SMG1: variants seen among roughly 807,000 people sequenced by gnomAD.
SMG1 encodes serine/threonine-protein kinase SMG1.
A neutral mutation model predicts 419.9 loss-of-function variants in SMG1; 22 were observed. The observed-to-expected ratio is 0.05, with a 90% CI of 0.04 to 0.07. The LOEUF is 0.07. Ranked by LOEUF, SMG1 falls within the 10% of genes least tolerant of loss-of-function variation. The pLI, the probability that SMG1 is intolerant of heterozygous loss-of-function variation, is 1.00. For synonymous variants in SMG1, 1,538 were observed against 1,553.5 expected (o/e 0.99, Z 0.23); for missense variants, 3,185 against 4,342.0 (o/e 0.73, Z 7.49).
rs776250925 is a variant in SMG1 at position 18,869,956 on chromosome 16, G to A, written c.2531C>T (p.Ala844Val). The change falls in exon 19 of 63, where the codon GCA (alanine) becomes GTA (valine). Residue 844 changes from alanine to valine, a missense_variant. Around this residue, in one of 27 missense-constraint regions of SMG1, gnomAD observed 297 missense variants for 491.0 expected, o/e 0.60. Transcript: ENST00000446231. The part of the protein sequence containing the change: ...NHTEIQEISL[A>V]LRSHMSKAPS... ...TGCTTTACTCATGTGACTTCTTAAT[G>A]CTAAAGAAATTTCTTGAATTTCTGT... The A allele has an allele frequency of 2.0e-5, 31 of 1,531,472 alleles. No individual in the cohort carries two copies. Among genetic ancestry groups the A allele is most frequent in the African/African-American group, 4.1e-5 (3 of 72,924 alleles). The allele number at this position is 1,531,472 out of a possible 1,614,324, so 94.9% of individuals were successfully genotyped here.
intron 57 of SMG1, among the ~76,000 whole-genome samples, chr16:18,816,756 C>T (rs1271432055): frequency 6.6e-6 from 1 of 152,166 alleles, no homozygotes; most frequent in Non-Finnish European, 1.5e-5. Context: ...GCTTTAAATG[C>T]TTAAAGTTTA....
chr16:18,854,082 CTTTTTTTTT>C lies in SMG1; in HGVS notation c.4484-224_4484-216del, dbSNP rs11448105. 3.6e-5 allele frequency among the ~76,000 whole-genome samples: 3 copies of C among 84,012 alleles called. No individual in the cohort carries two copies. The Admixed American group carries it at 4.9e-4, about 14-fold the overall frequency. The allele number at this position is 84,012 out of a possible 152,430, so 55.1% of individuals were successfully genotyped here. A position where few individuals can be genotyped will look rare whatever the true frequency, so the allele number is the denominator to read the frequency against. Reference sequence around the variant, plus strand: ...CACTATGCCTAGCCAAAATACTAAACTTTTTTTTTTTTTTTTTTTTTTGAGGCAGGGTTT... The same window carrying C: ...CACTATGCCTAGCCAAAATACTAAACTTTTTTTTTTTTTGAGGCAGGGTTT... On this transcript the variant is annotated intron_variant, in intron 30 of 62. Transcript: ENST00000446231.
At chr16:18,810,495 T>C (rs1567305442) in intron 62 of SMG1, among the ~76,000 whole-genome samples, 1 of 152,292 alleles carries the variant, frequency 6.6e-6, no homozygotes, top group African/African-American at 2.4e-5. Context: ...TCACAGTGGA[T>C]CTGAATGACC....
intron 25 of SMG1, among the ~76,000 whole-genome samples, chr16:18,862,755 C>T (rs2035279678): frequency 6.6e-6 from 1 of 152,170 alleles, no homozygotes. Context: ...ACTAGAATAA[C>T]AGCCAAAGTT....
intron 55 of SMG1, 30 bp from the exon 56 acceptor site, chr16:18,819,684 G>T (rs1026140859): frequency 2.0e-6 from 3 of 1,497,192 alleles, no homozygotes; most frequent in Non-Finnish European, 2.7e-6. Context: ...CTTGGTGAAG[G>T]TATATGACAT....
Position 18,837,717 on chromosome 16 carries a change from C to T in SMG1, c.7414-274G>A, listed in dbSNP as rs148991766. On this transcript the variant is annotated intron_variant, in intron 45 of 62. Transcript: ENST00000446231. ...CTACCAGATAGGGAAGGGAAGCTAT[C>T]CAATTAAAGAACATTTACAGTCATC... Among the ~76,000 whole-genome samples, 16 of 152,208 alleles carry T rather than the reference C, an allele frequency of 1.1e-4. No individual in the cohort carries two copies. The East Asian group carries it at 3.1e-3, about 29-fold the overall frequency.
intron 1 of SMG1, among the ~76,000 whole-genome samples, chr16:18,915,725 T>C (rs558956732): frequency 3.5e-4 from 53 of 152,230 alleles, no homozygotes; most frequent in African/African-American, 1.1e-3. Flanking sequence ...GTACCTTGAC[T>C]GAGGTCATGG....
chr16:18,828,149 A>T lies in SMG1; in HGVS notation c.9623T>A (p.Leu3208His). Residue 3208 changes from leucine to histidine, a missense_variant, in exon 55 of 63, where the codon CTT becomes CAT. Physicochemically the swap from Leu to His is moderately conservative, Grantham distance 99. Around this residue, in one of 27 missense-constraint regions of SMG1, gnomAD observed 737 missense variants for 846.6 expected, o/e 0.87. Coordinates refer to ENST00000446231, the MANE Select transcript of SMG1 (RefSeq NM_015092.5). ...AMFQWQHEDL[L>H]INRPQAMSVT... The stretch of plus-strand genomic sequence containing the variant: ...TGACATGGCTTGTGGTCTATTGATA[A>T]GTAGATCTTCATGTTGCCACTGTTG... The T allele has an allele frequency of 6.2e-7, 1 of 1,613,460 alleles. No homozygotes were observed.
chr16:18,916,812 A>C (rs1188252313), intron 1 of SMG1, among the ~76,000 whole-genome samples: 1 of 152,142 alleles, frequency 6.6e-6, no homozygotes, highest in Non-Finnish European at 1.5e-5. Flanking sequence ...TGAAAAGATA[A>C]CAAACAGCTC....
intron 1 of SMG1, among the ~76,000 whole-genome samples, chr16:18,913,875 T>C (rs2037876000): frequency 6.6e-6 from 1 of 152,086 alleles, no homozygotes; most frequent in South Asian, 2.1e-4. Flanking sequence ...GTACCAGAAA[T>C]CCCTCTGAGG....
At chr16:18,882,614 A>T (rs2036447960) in intron 9 of SMG1, among the ~76,000 whole-genome samples, 1 of 152,208 alleles carries the variant, frequency 6.6e-6, no homozygotes, top group Non-Finnish European at 1.5e-5. Flanking sequence ...AAATTCTAGC[A>T]CATATGCTCT....
At chr16:18,833,605 A>G (rs1289547138) in intron 50 of SMG1, among the ~76,000 whole-genome samples, 1 of 152,182 alleles carries the variant, frequency 6.6e-6, no homozygotes. Flanking sequence ...TTTGCATATA[A>G]TAAACTGCAT....
chr16:18,858,545 A>G, intron 28 of SMG1: 1 of 265,854 alleles, frequency 3.8e-6, no homozygotes, highest in Non-Finnish European at 7.0e-6. Context: ...CAGTATACTT[A>G]ATAAAGCACA....
intron 8 of SMG1, chr16:18,884,778 A>C: frequency 4.0e-6 from 1 of 253,082 alleles, no homozygotes. Context: ...ATAAAATGTG[A>C]CAAATAACTT....
intron 1 of SMG1, among the ~76,000 whole-genome samples, chr16:18,918,988 A>G (rs769444905): frequency 6.6e-6 from 1 of 152,148 alleles, no homozygotes; most frequent in Non-Finnish European, 1.5e-5. Context: ...TTCTCCCATA[A>G]TAACTTATAG....
At position 18,870,904 on chromosome 16, in the gene SMG1, A is replaced by G; in HGVS notation, c.2303-16T>C. On this transcript the variant is annotated splice_polypyrimidine_tract_variant and intron_variant, in intron 16 of 62. Coordinates refer to ENST00000446231, the MANE Select transcript of SMG1 (RefSeq NM_015092.5). ...TCAACGAGAGCTATTAAACATTAAA[A>G]GACAGTTACTTTCAGCTGGCCAAAA... 2.3e-6 allele frequency: 3 copies of G among 1,282,400 alleles called. No individual in the cohort carries two copies. Among genetic ancestry groups the G allele is most frequent in the Non-Finnish European group, 3.3e-6 (3 of 915,526 alleles). 79.4% of individuals were successfully genotyped at this position (1,282,400 alleles called of 1,614,324 possible). A position where few individuals can be genotyped will look rare whatever the true frequency, so the allele number is the denominator to read the frequency against.
chr16:18,869,308 G>T lies in SMG1; in HGVS notation c.2634-5C>A, dbSNP rs1567398241. ...CTTTCCAACCAATTGTCCTTCCTGG[G>T]AAAAGCAGTTTCATATTTAAAAGAC... On this transcript the variant is annotated splice_region_variant and splice_polypyrimidine_tract_variant and intron_variant, in intron 19 of 62. Transcript: ENST00000446231. 6.2e-7 allele frequency: 1 copy of T among 1,605,766 alleles called. No homozygotes were observed. The highest frequency in any genetic ancestry group is 1.1e-5 in the South Asian group (1 of 90,106).
intron 25 of SMG1, 152 bp from the exon 26 acceptor site, chr16:18,860,928 G>A (rs1251282551): frequency 1.2e-5 from 6 of 510,898 alleles, no homozygotes; most frequent in African/African-American, 4.0e-5. Context: ...CATTATTTTG[G>A]TTTTTATGTT....
chr16:18,876,434 A>C lies in SMG1; in HGVS notation c.1621-41T>G, dbSNP rs752924194. ...TTCAAGGAAGTGATAAATGGAAAAT[A>C]AATCTTCTAAAATTATATGGAAAAT... On this transcript the variant is annotated intron_variant, in intron 12 of 62. Transcript: ENST00000446231. 3 of 1,531,430 alleles carry C rather than the reference A, an allele frequency of 2.0e-6. No homozygotes were observed. The South Asian group carries it at 3.6e-5, about 18-fold the overall frequency. The allele number at this position is 1,531,430 out of a possible 1,614,324, so 94.9% of individuals were successfully genotyped here.
Sources: gnomAD v4.1 joint callset for allele counts (sites outside exome capture counted in the v4.1 genomes callset) on GRCh38, gnomAD v4.1.1 for gene constraint, gnomAD v4.1.1 regional missense constraint, MANE v1.5 for transcripts, NCBI Gene and HGNC (gene_info 2026-07-23, HGNC 2026-07-21) for gene names.